Variants in STX6 observed in about 807,000 individuals in gnomAD.
STX6 encodes the protein syntaxin-6.
Under a neutral mutation model 38.0 loss-of-function variants are expected in STX6, and 23 were observed. The observed-to-expected ratio is 0.60, with a 90% confidence interval of 0.43 to 0.86. STX6 has a LOEUF of 0.86. STX6 is among the 40% of genes least tolerant of loss of function. STX6 has a pLI of 0.00. For synonymous variants in STX6, 123 were observed against 107.5 expected, an observed-to-expected ratio of 1.14 and a Z score of -0.89; for missense variants, 274 against 312.9, an observed-to-expected ratio of 0.88 and a Z score of 0.94.
At chr1:181,001,875 G>C (rs770208029) in intron 3 of STX6, among the ~76,000 whole-genome samples, 1 of 152,174 alleles carries the variant, frequency 6.6e-6, no homozygotes, top group Non-Finnish European at 1.5e-5. Flanking sequence ...TCTCATTTTT[G>C]CTCTCGGAAA....
At chr1:180,996,574 A>T (rs1655920580) in intron 3 of STX6, among the ~76,000 whole-genome samples, 2 of 146,898 alleles carry the variant, frequency 1.4e-5, no homozygotes, top group Non-Finnish European at 1.5e-5. Context: ...TTTGAAAACA[A>T]TTTTTTTTTT....
At chr1:180,993,739 C>T (rs1033766955) in intron 3 of STX6, among the ~76,000 whole-genome samples, 2 of 152,084 alleles carry the variant, frequency 1.3e-5, no homozygotes, top group Non-Finnish European at 2.9e-5. Context: ...TCACAAGGAC[C>T]CTGTGAAGCT....
At chr1:180,981,268 G>C (rs1256673217) in intron 7 of STX6, among the ~76,000 whole-genome samples, 1 of 152,028 alleles carries the variant, frequency 6.6e-6, no homozygotes, top group Non-Finnish European at 1.5e-5. Context: ...GTTATGCATG[G>C]GGGAAGGGGG....
At chr1:180,986,512 A>G (rs949426097) in intron 6 of STX6, among the ~76,000 whole-genome samples, 1 of 152,098 alleles carries the variant, frequency 6.6e-6, no homozygotes, top group Non-Finnish European at 1.5e-5. Context: ...GCACAGGTCT[A>G]AGTCCAAATC....
At chr1:180,986,506 AG>A (rs934211320) in intron 6 of STX6, among the ~76,000 whole-genome samples, 1 of 152,212 alleles carries the variant, frequency 6.6e-6, no homozygotes, top group African/African-American at 2.4e-5. Context: ...TGGATGGCAC[AG>A]GTCTAAGTCC....
chr1:181,018,846 T>C (rs1437893956), intron 1 of STX6, among the ~76,000 whole-genome samples: 1 of 152,246 alleles, frequency 6.6e-6, no homozygotes, highest in African/African-American at 2.4e-5. Context: ...TTTAAAAATC[T>C]GTAATGGCCT....
chr1:180,975,641 G>C lies in STX6; in HGVS notation c.*929C>G, dbSNP rs778696650. ...CAACCCCCAGTGTAGAGTGCCCTAA[G>C]AGTAAAAGAACTGTAATGAGGACAA... On this transcript the variant is annotated 3_prime_UTR_variant, in exon 8 of 8. Coordinates refer to ENST00000258301, the MANE Select transcript of STX6 (RefSeq NM_005819.6). 6.6e-6 allele frequency: 1 copy of C among 152,114 alleles called. No homozygotes were observed. 9.4% of individuals were successfully genotyped at this position (152,114 alleles called of 1,614,324 possible).
chr1:181,010,711 G>A (rs1656367315), intron 1 of STX6, among the ~76,000 whole-genome samples: 1 of 152,070 alleles, frequency 6.6e-6, no homozygotes. Flanking sequence ...CCACTGCCTT[G>A]ATTTTTGGTA....
At chr1:181,001,997 G>A (rs548811987) in intron 3 of STX6, among the ~76,000 whole-genome samples, 17 of 152,228 alleles carry the variant, frequency 1.1e-4, no homozygotes, top group African/African-American at 3.9e-4. Context: ...TGAGCAACAT[G>A]GTGAACCCTG....
At position 180,974,756 on chromosome 1, in the gene STX6, C is replaced by A. The variant is rs1655203661; in HGVS notation, c.*1814G>T. 1 of 152,584 alleles carries A rather than the reference C, an allele frequency of 6.6e-6. No homozygotes were observed. The highest frequency in any genetic ancestry group is 1.5e-5 in the Non-Finnish European group (1 of 68,024). The allele number at this position is 152,584 out of a possible 1,614,324, so 9.5% of individuals were successfully genotyped here. On this transcript the variant is annotated 3_prime_UTR_variant, in exon 8 of 8. Coordinates refer to ENST00000258301, the MANE Select transcript of STX6 (RefSeq NM_005819.6). ...TTCAAACTTTGTAAAACATAAATAA[C>A]CTAGTACTCTAAACATCTGAAGCCC...
chr1:180,976,571 CA>C lies in STX6; in HGVS notation c.766del (p.Ter256AspfsTer41). The C allele has an allele frequency of 6.2e-7, 1 of 1,613,690 alleles. No individual in the cohort carries two copies. Among genetic ancestry groups the C allele is most frequent in the Non-Finnish European group, 8.5e-7 (1 of 1,179,982 alleles). ...LVVLILFLVL[*>X] ...AACTCGCACCCAGAGGCCCCGCCGT[CA>C]CAGCACTAAGAAGAGGATGAGCACA... On this transcript the variant is annotated frameshift_variant and stop_lost, in exon 8 of 8. Coordinates refer to ENST00000258301, the MANE Select transcript of STX6 (RefSeq NM_005819.6). LOFTEE classifies it high-confidence loss of function.
intron 4 of STX6, among the ~76,000 whole-genome samples, chr1:180,991,542 T>A (rs1460126995): frequency 6.6e-6 from 1 of 152,236 alleles, no homozygotes; most frequent in Admixed American, 6.5e-5. Flanking sequence ...CTATTTTTCC[T>A]ACGTTTTCCA....
intron 6 of STX6, among the ~76,000 whole-genome samples, chr1:180,985,952 A>G (rs1655569058): frequency 6.6e-6 from 1 of 152,206 alleles, no homozygotes; most frequent in African/African-American, 2.4e-5. Flanking sequence ...TTGACAACTA[A>G]AATAAGTCTT....
intron 7 of STX6, among the ~76,000 whole-genome samples, chr1:180,979,306 T>G (rs750275872): frequency 3.9e-5 from 6 of 152,118 alleles, no homozygotes; most frequent in Admixed American, 2.6e-4. Flanking sequence ...CTATAAGACT[T>G]ACCATAACAT....
At chr1:181,022,555 C>A in intron 1 of STX6, 84 bp downstream of exon 1, 1 of 1,426,668 alleles carries the variant, frequency 7.0e-7, no homozygotes, top group Non-Finnish European at 9.7e-7. Context: ...TGCCTCCCCT[C>A]CCCCCACTGC....
chr1:181,022,722 G>T lies in STX6; in HGVS notation c.-49C>A. The T allele has an allele frequency of 6.4e-7, 1 of 1,561,782 alleles. No homozygotes were observed. Reference sequence around the variant, plus strand: ...CACCTCCTCCGCGCACAGGGCGCCCGTGCCTCCCGGTCTCCCTCCGCCCAC... The same window carrying T: ...CACCTCCTCCGCGCACAGGGCGCCCTTGCCTCCCGGTCTCCCTCCGCCCAC... On this transcript the variant is annotated 5_prime_UTR_variant, in exon 1 of 8. Transcript: ENST00000258301.
chr1:181,009,536 T>C (rs1186839510), intron 1 of STX6, among the ~76,000 whole-genome samples: 10 of 144,710 alleles, frequency 6.9e-5, no homozygotes, highest in African/African-American at 1.0e-4. Flanking sequence ...ATATGACAAA[T>C]AGCACAGGAA....
At position 180,990,100 on chromosome 1, in the gene STX6, C is replaced by G. The variant is rs761090776; in HGVS notation, c.373G>C (p.Gly125Arg). The G allele has an allele frequency of 8.2e-5, 132 of 1,614,012 alleles. No individual in the cohort carries two copies. Among genetic ancestry groups the G allele is most frequent in the Non-Finnish European group, 1.1e-4 (131 of 1,180,024 alleles). ...AERKNRQALLGDSGSQNWSTG... is the reference protein window; with the variant it reads ...AERKNRQALLRDSGSQNWSTG... ...CTCCAGTTCTGGCTGCCACTGTCTC[C>G]CAGCAGTGCCTGTGTGAGAAGAACA... The change falls in exon 5 of 8, where the codon GGA (glycine) becomes CGA (arginine). Residue 125 changes from glycine (G) to arginine (R), a missense_variant. Physicochemically the swap from Gly to Arg is moderately radical, Grantham distance 125. Coordinates refer to ENST00000258301, the MANE Select transcript of STX6 (RefSeq NM_005819.6).
At chr1:181,015,018 ATTATAT>A (rs1656515767) in intron 1 of STX6, among the ~76,000 whole-genome samples, 1 of 152,148 alleles carries the variant, frequency 6.6e-6, no homozygotes, top group Admixed American at 6.5e-5. Context: ...ACTATGGCCC[ATTATAT>A]CTATTTGCTT....
Sources: allele counts gnomAD v4.1 joint callset (sites outside exome capture counted in the v4.1 genomes callset), GRCh38; gene constraint gnomAD v4.1.1; transcripts MANE v1.5; gene names NCBI Gene and HGNC (gene_info 2026-07-23, HGNC 2026-07-21).